KCNMB2: variants seen among roughly 807,000 people sequenced by gnomAD.
KCNMB2 encodes the protein potassium calcium-activated channel subfamily M regulatory beta subunit 2.
KCNMB2 carries 9 observed loss-of-function variants against 24.5 expected under a neutral mutation model. That is an observed-to-expected ratio of 0.37 (90% CI 0.22 to 0.64). The LOEUF (loss-of-function observed/expected upper bound fraction) is 0.64, where lower values mean the gene tolerates loss of function less well. KCNMB2 is among the 30% of genes least tolerant of loss of function. KCNMB2 has a pLI of 0.63. For synonymous variants in KCNMB2, 109 were observed against 104.4 expected, an observed-to-expected ratio of 1.04 and a Z score of -0.27; for missense variants, 226 against 284.3, an observed-to-expected ratio of 0.79 and a Z score of 1.47.
chr3:178,827,360 G>C (rs893612159), intron 3 of KCNMB2, among the ~76,000 whole-genome samples: 2 of 152,082 alleles, frequency 1.3e-5, no homozygotes, highest in African/African-American at 4.8e-5. Flanking sequence ...TGTTTGTGGG[G>C]AGACAGCAAA....
chr3:178,756,893 C>A (rs7647997), intron 1 of KCNMB2, among the ~76,000 whole-genome samples: 3 of 151,714 alleles, frequency 2.0e-5, no homozygotes, highest in Non-Finnish European at 4.4e-5. Context: ...CACAGCTTTC[C>A]TGAGCTTAAA....
intron 1 of KCNMB2, among the ~76,000 whole-genome samples, chr3:178,669,012 T>G (rs1323641853): frequency 6.6e-6 from 1 of 152,198 alleles, no homozygotes; most frequent in Non-Finnish European, 1.5e-5. Context: ...GGGTTTTCCC[T>G]GTCTTCTGCT....
At chr3:178,638,098 C>T (rs1187550521) in intron 1 of KCNMB2, among the ~76,000 whole-genome samples, 1 of 152,190 alleles carries the variant, frequency 6.6e-6, no homozygotes, top group African/African-American at 2.4e-5. Flanking sequence ...TCAGACCTCT[C>T]TGTGGATTTC....
chr3:178,614,239 G>T (rs1718598847), intron 1 of KCNMB2, among the ~76,000 whole-genome samples: 2 of 83,046 alleles, frequency 2.4e-5, no homozygotes, highest in African/African-American at 4.4e-5. Flanking sequence ...CCTAAGACTG[G>T]GCTAATTTTA....
intron 1 of KCNMB2, among the ~76,000 whole-genome samples, chr3:178,658,632 T>C (rs1577077928): frequency 6.6e-6 from 1 of 152,152 alleles, no homozygotes; most frequent in South Asian, 2.1e-4. Flanking sequence ...TTAATTAATG[T>C]GGGGATGGTT....
intron 1 of KCNMB2, among the ~76,000 whole-genome samples, chr3:178,686,332 A>G (rs1021791870): frequency 6.6e-6 from 1 of 152,236 alleles, no homozygotes; most frequent in Non-Finnish European, 1.5e-5. Flanking sequence ...GTTTGGTGAT[A>G]AAGTTGGTAG....
chr3:178,779,426 G>A (rs1041172329), intron 1 of KCNMB2, among the ~76,000 whole-genome samples: 1 of 152,086 alleles, frequency 6.6e-6, no homozygotes, highest in Non-Finnish European at 1.5e-5. Context: ...TACTGGCATA[G>A]GTAAAAATCA....
At chr3:178,581,355 CA>C (rs1233842093) in intron 1 of KCNMB2, among the ~76,000 whole-genome samples, 3 of 152,150 alleles carry the variant, frequency 2.0e-5, no homozygotes, top group African/African-American at 7.2e-5. Flanking sequence ...ACACGTTATA[CA>C]AAAATTAACT....
chr3:178,636,355 TACTC>T (rs1228726420), intron 1 of KCNMB2, among the ~76,000 whole-genome samples: 3 of 152,046 alleles, frequency 2.0e-5, no homozygotes, highest in African/African-American at 7.2e-5. Context: ...CTAAAGAACT[TACTC>T]ATGTAACTAA....
intron 1 of KCNMB2, among the ~76,000 whole-genome samples, chr3:178,751,954 C>G (rs1723866419): frequency 6.6e-6 from 1 of 152,156 alleles, no homozygotes; most frequent in Non-Finnish European, 1.5e-5. Context: ...GCCACCTGCC[C>G]AAGGAAGTTA....
At chr3:178,762,298 G>A (rs929625818) in intron 1 of KCNMB2, among the ~76,000 whole-genome samples, 1 of 152,222 alleles carries the variant, frequency 6.6e-6, no homozygotes, top group Non-Finnish European at 1.5e-5. Flanking sequence ...ACAAAAAGGT[G>A]AGAAGAATCC....
At chr3:178,774,164 C>T (rs965121606) in intron 1 of KCNMB2, among the ~76,000 whole-genome samples, 3 of 152,086 alleles carry the variant, frequency 2.0e-5, no homozygotes, top group African/African-American at 7.2e-5. Flanking sequence ...ATGGCTTAAT[C>T]TCCTCATAAA....
At chr3:178,783,725 A>G (rs982224545) in intron 1 of KCNMB2, among the ~76,000 whole-genome samples, 2 of 152,132 alleles carry the variant, frequency 1.3e-5, no homozygotes, top group Non-Finnish European at 2.9e-5. Flanking sequence ...ATATACAATC[A>G]TGTCGTCTGC....
chr3:178,733,660 T>C (rs7618572), intron 1 of KCNMB2, among the ~76,000 whole-genome samples: 73,610 of 151,606 alleles, frequency 0.49, 18,336 homozygotes, highest in African/African-American at 0.61. Flanking sequence ...TTTGTATTTT[T>C]AGGAGGGATG....
chr3:178,816,418 CA>C (rs1714407019), intron 2 of KCNMB2, among the ~76,000 whole-genome samples: 1 of 151,672 alleles, frequency 6.6e-6, no homozygotes, highest in African/African-American at 2.4e-5. Flanking sequence ...TTAGTCTTTT[CA>C]AAAGAAATTA....
At chr3:178,739,025 T>C (rs547725981) in intron 1 of KCNMB2, among the ~76,000 whole-genome samples, 3 of 151,862 alleles carry the variant, frequency 2.0e-5, no homozygotes, top group African/African-American at 7.2e-5. Flanking sequence ...CAGTGGTCAA[T>C]TGATATGTAG....
intron 1 of KCNMB2, among the ~76,000 whole-genome samples, chr3:178,702,602 A>G (rs1286633864): frequency 6.6e-6 from 1 of 152,164 alleles, no homozygotes; most frequent in Non-Finnish European, 1.5e-5. Flanking sequence ...AACTCACTTA[A>G]TTAATGCCAC....
chr3:178,768,258 A>G (rs907850148), intron 1 of KCNMB2, among the ~76,000 whole-genome samples: 1 of 151,996 alleles, frequency 6.6e-6, no homozygotes, highest in African/African-American at 2.4e-5. Context: ...ATGCTGCTTT[A>G]GCTAATGAGT....
At chr3:178,647,960 A>G (rs993643935) in intron 1 of KCNMB2, among the ~76,000 whole-genome samples, 4 of 151,592 alleles carry the variant, frequency 2.6e-5, no homozygotes, top group African/African-American at 9.7e-5. Flanking sequence ...TTATATATAA[A>G]TAATTAATTT....
Sources: gnomAD v4.1 joint callset for allele counts (sites outside exome capture counted in the v4.1 genomes callset) on GRCh38, gnomAD v4.1.1 for gene constraint, MANE v1.5 for transcripts, NCBI Gene and HGNC (gene_info 2026-07-23, HGNC 2026-07-21) for gene names.